The following LYPD6 variants were observed in gnomAD, a reference collection of about 807,000 sequenced individuals.
LYPD6 encodes the protein ly6/PLAUR domain-containing protein 6.
A neutral mutation model predicts 22.7 loss-of-function variants in LYPD6; 15 were observed. The observed-to-expected ratio is 0.66, with a 90% CI of 0.44 to 1.02. The LOEUF is 1.02. LYPD6 is among the 50% of genes least tolerant of loss of function. LYPD6 has a pLI of 0.00. For synonymous variants in LYPD6, 72 were observed against 77.5 expected (o/e 0.93, Z 0.37); for missense variants, 189 against 208.4 (o/e 0.91, Z 0.57).
the LYPD6 span, among the ~76,000 whole-genome samples, chr2:149,480,765 C>A: frequency 6.6e-6 from 1 of 152,118 alleles, no homozygotes; most frequent in Admixed American, 6.5e-5. Flanking sequence ...GATAGTAGTC[C>A]TCCTCGTGAA....
At chr2:149,408,192 C>G (rs1045084493) in intron 1 of LYPD6, among the ~76,000 whole-genome samples, 11 of 152,164 alleles carry the variant, frequency 7.2e-5, no homozygotes, top group African/African-American at 2.2e-4. Flanking sequence ...GGGTCAGGGA[C>G]CCACTTGAGG....
chr2:149,397,087 G>A (rs1682443708), intron 1 of LYPD6, among the ~76,000 whole-genome samples: 2 of 152,120 alleles, frequency 1.3e-5, no homozygotes, highest in African/African-American at 4.8e-5. Context: ...TCTATCTGTG[G>A]TTGGTTCACT....
chr2:149,374,649 A>G (rs888881072), intron 1 of LYPD6, among the ~76,000 whole-genome samples: 2 of 152,182 alleles, frequency 1.3e-5, no homozygotes, highest in Non-Finnish European at 2.9e-5. Context: ...TCTTGCATTT[A>G]GGAGGTTCTC....
At chr2:149,411,209 A>G (rs2105122297) in intron 1 of LYPD6, among the ~76,000 whole-genome samples, 1 of 152,326 alleles carries the variant, frequency 6.6e-6, no homozygotes, top group East Asian at 1.9e-4. Flanking sequence ...ACGCAGCGTC[A>G]AGTTTAGGAA....
chr2:149,427,630 C>T (rs998174835), intron 1 of LYPD6, among the ~76,000 whole-genome samples: 5 of 152,218 alleles, frequency 3.3e-5, no homozygotes, highest in Non-Finnish European at 7.3e-5. Context: ...CATGCATATG[C>T]ATAATGACCG....
At chr2:149,353,700 C>G (rs1681400403) in intron 1 of LYPD6, among the ~76,000 whole-genome samples, 1 of 152,024 alleles carries the variant, frequency 6.6e-6, no homozygotes, top group Non-Finnish European at 1.5e-5. Flanking sequence ...GGTTACTCCT[C>G]CCCCTATAAA....
At chr2:149,362,887 C>G (rs1681597921) in intron 1 of LYPD6, among the ~76,000 whole-genome samples, 1 of 152,154 alleles carries the variant, frequency 6.6e-6, no homozygotes, top group South Asian at 2.1e-4. Context: ...GGGATACTTT[C>G]AACTCAAAAC....
intron 1 of LYPD6, among the ~76,000 whole-genome samples, chr2:149,385,763 A>G (rs774435864): frequency 5.3e-5 from 8 of 152,190 alleles, no homozygotes; most frequent in Non-Finnish European, 1.0e-4. Context: ...GGAAATCAAA[A>G]TGCACATTTG....
At chr2:149,456,795 A>C (rs1680967750) in intron 3 of LYPD6, among the ~76,000 whole-genome samples, 1 of 152,156 alleles carries the variant, frequency 6.6e-6, no homozygotes, top group Admixed American at 6.5e-5. Flanking sequence ...GTGGTTTTTT[A>C]TGGCAACCCT....
chr2:149,421,647 G>A (rs1683083949), intron 1 of LYPD6, among the ~76,000 whole-genome samples: 1 of 151,968 alleles, frequency 6.6e-6, no homozygotes, highest in Admixed American at 6.6e-5. Flanking sequence ...AATTGTTGCT[G>A]TTATTTTCCA....
chr2:149,363,061 C>T (rs1408844841), intron 1 of LYPD6, among the ~76,000 whole-genome samples: 2 of 152,042 alleles, frequency 1.3e-5, no homozygotes, highest in East Asian at 1.9e-4. Flanking sequence ...TCAGAGAGAC[C>T]GTCCTGCTAC....
intron 1 of LYPD6, among the ~76,000 whole-genome samples, chr2:149,382,375 T>A (rs982014465): frequency 1.3e-5 from 2 of 152,168 alleles, no homozygotes; most frequent in Admixed American, 1.3e-4. Flanking sequence ...TAGAGATGAT[T>A]AGAATTTTTA....
At chr2:149,410,153 A>C (rs879677937) in intron 1 of LYPD6, among the ~76,000 whole-genome samples, 1 of 152,160 alleles carries the variant, frequency 6.6e-6, no homozygotes, top group African/African-American at 2.4e-5. Context: ...GAACTGTCAA[A>C]AACTAGTAAA....
downstream of LYPD6, among the ~76,000 whole-genome samples, chr2:149,478,319 C>T (rs925110091): frequency 1.3e-5 from 2 of 152,160 alleles, no homozygotes; most frequent in South Asian, 4.1e-4. Flanking sequence ...ACAAATAGGG[C>T]AGACAAATAC....
At chr2:149,414,520 C>A (rs948051145) in intron 1 of LYPD6, among the ~76,000 whole-genome samples, 1 of 152,008 alleles carries the variant, frequency 6.6e-6, no homozygotes, top group African/African-American at 2.4e-5. Context: ...ATATTAAAAT[C>A]GCCTCAAATA....
the LYPD6 span, among the ~76,000 whole-genome samples, chr2:149,485,319 G>C: frequency 6.6e-6 from 1 of 152,136 alleles, no homozygotes; most frequent in Admixed American, 6.5e-5. Context: ...ACTGGAAAAA[G>C]CATTAAGGTG....
chr2:149,433,545 A>G (rs942671689), intron 1 of LYPD6, among the ~76,000 whole-genome samples: 1 of 152,160 alleles, frequency 6.6e-6, no homozygotes, highest in Admixed American at 6.5e-5. Context: ...TTGTTTTCTC[A>G]TGAGGCACCC....
Position 149,470,862 on chromosome 2 carries a change from C to G in LYPD6, c.*12C>G, listed in dbSNP as rs1681318951. The stretch of plus-strand genomic sequence containing the variant: ...GGCTCATGTTATAGTGGCTCAGTGG[C>G]TCCATGTGTTAATAGCGATCCATGG... On this transcript the variant is annotated 3_prime_UTR_variant, in exon 5 of 5. Coordinates refer to ENST00000334166, the MANE Select transcript of LYPD6 (RefSeq NM_194317.5). 6.2e-7 allele frequency: 1 copy of G among 1,606,102 alleles called. No homozygotes were observed. The highest frequency in any genetic ancestry group is 1.1e-5 in the South Asian group (1 of 90,390).
the LYPD6 span, among the ~76,000 whole-genome samples, chr2:149,485,375 C>A: frequency 6.6e-6 from 1 of 152,076 alleles, no homozygotes; most frequent in Non-Finnish European, 1.5e-5. Context: ...CCTGTTGAGG[C>A]TAAAGGGTTG....
Sources: allele counts gnomAD v4.1 joint callset (sites outside exome capture counted in the v4.1 genomes callset), GRCh38; gene constraint gnomAD v4.1.1; transcripts MANE v1.5; gene names NCBI Gene and HGNC (gene_info 2026-07-23, HGNC 2026-07-21).